Variants in SNX25 observed in about 807,000 individuals in gnomAD.
The protein encoded by SNX25 is sorting nexin 25.
In SNX25, 62 loss-of-function variants were observed where a neutral mutation model predicts 113.7. The ratio of observed to expected loss-of-function variants is 0.55; its 90% CI spans 0.44 to 0.67. The LOEUF (loss-of-function observed/expected upper bound fraction) is 0.67, where lower values mean the gene tolerates loss of function less well. Among genes scored for constraint, SNX25 ranks in the 30% least tolerant of loss-of-function variants. The pLI, the probability that SNX25 is intolerant of heterozygous loss-of-function variation, is 0.00. For synonymous variants in SNX25, 421 were observed against 436.2 expected (o/e 0.97, Z 0.43); for missense variants, 1,014 against 1,161.0 (o/e 0.87, Z 1.84).
At chr4:185,245,345 C>CT (rs1275084797) in intron 1 of SNX25, among the ~76,000 whole-genome samples, 26 of 148,868 alleles carry the variant, frequency 1.7e-4, no homozygotes, top group Admixed American at 2.7e-4. Flanking sequence ...CAAGCAGTAT[C>CT]TTTTTTTTTT....
At chr4:185,328,490 T>C (rs2095171759) in intron 9 of SNX25, among the ~76,000 whole-genome samples, 1 of 152,198 alleles carries the variant, frequency 6.6e-6, no homozygotes, top group African/African-American at 2.4e-5. Flanking sequence ...AAAAAACCTT[T>C]TTCAGGAAAA....
intron 6 of SNX25, 149 bp downstream of exon 6, chr4:185,288,231 A>ATTGTTT: frequency 3.5e-6 from 2 of 572,884 alleles, no homozygotes; most frequent in Non-Finnish European, 6.2e-6. Flanking sequence ...CTATTACAGT[A>ATTGTTT]TTAGAGAAGT....
downstream of SNX25, among the ~76,000 whole-genome samples, chr4:185,374,890 C>A (rs117320438): frequency 9.5e-3 from 1,442 of 152,204 alleles, 78 homozygotes; most frequent in Admixed American, 0.068. Flanking sequence ...CTAACAAACA[C>A]CGTCTTCCAT....
At chr4:185,296,901 G>A (rs1752907936) in intron 6 of SNX25, among the ~76,000 whole-genome samples, 1 of 152,138 alleles carries the variant, frequency 6.6e-6, no homozygotes, top group South Asian at 2.1e-4. Flanking sequence ...TAGAATTTGG[G>A]GAGCTTAGTG....
At chr4:185,287,611 TA>T (rs1751518507) in intron 5 of SNX25, among the ~76,000 whole-genome samples, 2 of 152,222 alleles carry the variant, frequency 1.3e-5, no homozygotes, top group Non-Finnish European at 2.9e-5. Context: ...AAACGTTTAT[TA>T]ATTTAATTGG....
chr4:185,314,946 C>T (rs28842768), intron 7 of SNX25, among the ~76,000 whole-genome samples: 6,463 of 146,842 alleles, frequency 0.044, 267 homozygotes, highest in African/African-American at 0.1. Context: ...AAAACCTTCC[C>T]GGCTGGGCGC....
At chr4:185,230,488 G>A (rs1186924032) in intron 1 of SNX25, among the ~76,000 whole-genome samples, 1 of 151,452 alleles carries the variant, frequency 6.6e-6, no homozygotes. Context: ...CGCCTCCCAG[G>A]TTCAAGCAAT....
intron 9 of SNX25, among the ~76,000 whole-genome samples, chr4:185,327,619 C>T (rs1293946312): frequency 1.3e-5 from 2 of 152,122 alleles, no homozygotes; most frequent in East Asian, 3.8e-4. Context: ...CAGGCCTTAT[C>T]TGTTTTTGTT....
chr4:185,330,980 A>G (rs992515630), intron 9 of SNX25, among the ~76,000 whole-genome samples: 1 of 152,238 alleles, frequency 6.6e-6, no homozygotes, highest in African/African-American at 2.4e-5. Context: ...CAAATTAATT[A>G]AAATATCTAT....
intron 17 of SNX25, 115 bp from the exon 18 acceptor site, chr4:185,362,496 C>T (rs141718978): frequency 5.7e-4 from 678 of 1,180,858 alleles, no homozygotes; most frequent in Non-Finnish European, 7.5e-4. Flanking sequence ...TCATGTTTCT[C>T]ATGCCTCCAT....
intron 6 of SNX25, among the ~76,000 whole-genome samples, chr4:185,294,012 A>G (rs1227020778): frequency 6.6e-6 from 1 of 152,176 alleles, no homozygotes; most frequent in Non-Finnish European, 1.5e-5. Context: ...GTGAAAAGGA[A>G]GGGATTGATA....
At chr4:185,207,027 C>T (rs1477408796), upstream of SNX25, among the ~76,000 whole-genome samples, 3 of 152,086 alleles carry the variant, frequency 2.0e-5, no homozygotes, top group Non-Finnish European at 4.4e-5. Flanking sequence ...CAGAGGAAAC[C>T]ACCTTTTTGT....
intron 5 of SNX25, among the ~76,000 whole-genome samples, chr4:185,285,966 C>G (rs1751296541): frequency 6.9e-6 from 1 of 145,172 alleles, no homozygotes. Context: ...TTAGTAGAGA[C>G]AGGGTCTCCC....
intron 7 of SNX25, among the ~76,000 whole-genome samples, chr4:185,315,777 C>A (rs1293033102): frequency 6.6e-6 from 1 of 152,058 alleles, no homozygotes; most frequent in Admixed American, 6.5e-5. Context: ...ACAGAAAAGT[C>A]CTTAACAAAA....
intron 1 of SNX25, among the ~76,000 whole-genome samples, chr4:185,240,926 C>T (rs1453819467): frequency 2.0e-5 from 3 of 150,448 alleles, no homozygotes; most frequent in Non-Finnish European, 4.4e-5. Context: ...GATGGGCGGC[C>T]TGGCAGAGAT....
chr4:185,267,200 A>T, intron 5 of SNX25, 45 bp downstream of exon 5: 1 of 1,552,624 alleles, frequency 6.4e-7, no homozygotes, highest in Middle Eastern at 1.7e-4. Flanking sequence ...ACTGATTATC[A>T]TCCCCTGCCT....
the SNX25 span, among the ~76,000 whole-genome samples, chr4:185,375,455 C>CAAAAAAAAAAAAAAAAA: frequency 6.8e-5 from 1 of 14,774 alleles, no homozygotes; most frequent in Non-Finnish European, 1.2e-4. Flanking sequence ...GACTCCGTCT[C>CAAAAAAAAAAAAAAAAA]AAAAAAAAAA....
exon 12 of SNX25, chr4:185,369,820 T>C (rs746279629): frequency 9.5e-6 from 4 of 422,146 alleles, no homozygotes; most frequent in South Asian, 1.8e-5. Flanking sequence ...GGCCTGAACT[T>C]TGGAATTTGT....
At chr4:185,266,024 G>A (rs1234570957) in intron 4 of SNX25, among the ~76,000 whole-genome samples, 1 of 152,170 alleles carries the variant, frequency 6.6e-6, no homozygotes, top group Non-Finnish European at 1.5e-5. Flanking sequence ...GAAATGCTTA[G>A]TCAGGATAAG....
Sources: allele counts gnomAD v4.1 joint callset (sites outside exome capture counted in the v4.1 genomes callset), GRCh38; gene constraint gnomAD v4.1.1; transcripts MANE v1.5; gene names NCBI Gene and HGNC (gene_info 2026-07-23, HGNC 2026-07-21).